CAMK2D: variants seen among roughly 807,000 people sequenced by gnomAD.
The protein encoded by CAMK2D is calcium/calmodulin dependent protein kinase II delta, also known as calcium/calmodulin-dependent protein kinase type II subunit delta.
In CAMK2D, 37 loss-of-function variants were observed where a neutral mutation model predicts 84.0. The observed-to-expected ratio is 0.44, with a 90% CI of 0.34 to 0.58. The LOEUF is 0.58. Among genes scored for constraint, CAMK2D ranks in the 20% least tolerant of loss-of-function variants. The probability of loss-of-function intolerance (pLI) is 0.02; values close to 1 mark genes in which losing one functional copy is unlikely to be tolerated. For synonymous variants in CAMK2D, 202 were observed against 212.5 expected (o/e 0.95, Z 0.43); for missense variants, 448 against 652.5 (o/e 0.69, Z 3.41).
At position 113,754,041 on chromosome 4, in the gene CAMK2D, A is replaced by T. The variant is rs561615327; in HGVS notation, c.160+5279T>A. On this transcript the variant is annotated intron_variant, in intron 2 of 20. Coordinates refer to ENST00000511664, the MANE Select transcript of CAMK2D (RefSeq NM_001321571.2). ...TGAAATCATTTAATATTTATTAAAT[A>T]AACACATAAAGACATGTGAATATGC... is the stretch of plus-strand genomic sequence containing the variant. The T allele has an allele frequency of 5.6e-6, 5 of 885,104 alleles. No individual in the cohort carries two copies. In the South Asian group the frequency reaches 2.6e-4, roughly 46 times the overall value. 54.8% of individuals were successfully genotyped at this position (885,104 alleles called of 1,614,324 possible). A position where few individuals can be genotyped will look rare whatever the true frequency, so the allele number is the denominator to read the frequency against.
chr4:113,716,649 C>CAAAAAAA (rs397750449), intron 2 of CAMK2D, among the ~76,000 whole-genome samples: 13 of 76,132 alleles, frequency 1.7e-4, no homozygotes, highest in East Asian at 4.1e-4. Context: ...AGACTCCATC[C>CAAAAAAA]AAAAAAAAAA....
At chr4:113,757,666 C>G (rs1231276341) in intron 2 of CAMK2D, among the ~76,000 whole-genome samples, 1 of 152,054 alleles carries the variant, frequency 6.6e-6, no homozygotes, top group Non-Finnish European at 1.5e-5. Flanking sequence ...CATCCAGAAG[C>G]GGTAAAAAGC....
chr4:113,548,206 C>T (rs2098597921), intron 5 of CAMK2D, among the ~76,000 whole-genome samples: 1 of 152,150 alleles, frequency 6.6e-6, no homozygotes, highest in South Asian at 2.1e-4. Flanking sequence ...TTTAATTTAG[C>T]TGGCAATTAA....
At chr4:113,509,542 A>G (rs2098180968) in intron 13 of CAMK2D, 96 bp downstream of exon 13, 2 of 785,370 alleles carry the variant, frequency 2.5e-6, no homozygotes, top group East Asian at 2.5e-5. Flanking sequence ...ACAATAAAAA[A>G]TAGAACTTGC....
chr4:113,569,989 A>G (rs2098744845), intron 4 of CAMK2D, among the ~76,000 whole-genome samples: 1 of 151,108 alleles, frequency 6.6e-6, no homozygotes. Context: ...ATTTCAATAT[A>G]CTAACAACAG....
intron 17 of CAMK2D, among the ~76,000 whole-genome samples, chr4:113,464,061 C>A (rs1286498392): frequency 1.3e-5 from 2 of 152,196 alleles, no homozygotes; most frequent in African/African-American, 4.8e-5. Flanking sequence ...CTGCCACCAC[C>A]ACCACCCTGA....
chr4:113,743,253 T>C (rs1019205598), intron 2 of CAMK2D, among the ~76,000 whole-genome samples: 2 of 152,244 alleles, frequency 1.3e-5, no homozygotes, highest in Admixed American at 1.3e-4. Context: ...CTAGTTGCTC[T>C]ATTATTACTA....
At chr4:113,549,472 T>C (rs528792139) in intron 5 of CAMK2D, among the ~76,000 whole-genome samples, 1 of 152,334 alleles carries the variant, frequency 6.6e-6, no homozygotes, top group East Asian at 1.9e-4. Context: ...AGAAAAACTT[T>C]TGCTTCATAC....
At chr4:113,705,048 G>T (rs570031160) in intron 2 of CAMK2D, among the ~76,000 whole-genome samples, 1 of 151,548 alleles carries the variant, frequency 6.6e-6, no homozygotes, top group Admixed American at 6.6e-5. Context: ...TCCTTAAAAA[G>T]TGGTAGATTC....
chr4:113,637,749 T>C (rs1342415917), intron 3 of CAMK2D, among the ~76,000 whole-genome samples: 2 of 152,184 alleles, frequency 1.3e-5, no homozygotes, highest in South Asian at 2.1e-4. Context: ...ACTTTTTTCC[T>C]AGAAACTATA....
At position 113,517,587 on chromosome 4, in the gene CAMK2D, C is replaced by CTGAT. The variant is rs773833467; in HGVS notation, c.668_671dup (p.Gln225SerfsTer9). 6.3e-7 allele frequency: 1 copy of CTGAT among 1,576,154 alleles called. No individual in the cohort carries two copies. Among genetic ancestry groups the CTGAT allele is most frequent in the Admixed American group, 1.7e-5 (1 of 59,922 alleles). On this transcript the variant is annotated frameshift_variant, in exon 9 of 21. Transcript: ENST00000511664. LOFTEE classifies it high-confidence loss of function. ...CATCATAAGCTCCAGCCTTGATCTG[C>CTGAT]TGATAGAGTCTGTGTTGGTCTTCAT...
At chr4:113,646,063 T>C (rs929458728) in intron 3 of CAMK2D, among the ~76,000 whole-genome samples, 1 of 152,266 alleles carries the variant, frequency 6.6e-6, no homozygotes, top group Non-Finnish European at 1.5e-5. Context: ...TTTGCTCTCC[T>C]GTTTTACAGT....
At chr4:113,596,088 T>G (rs1330221915) in intron 4 of CAMK2D, among the ~76,000 whole-genome samples, 2 of 152,238 alleles carry the variant, frequency 1.3e-5, no homozygotes, top group African/African-American at 2.4e-5. Context: ...TCCTTTGTTG[T>G]CATTCAACAA....
chr4:113,716,437 G>T (rs181979011), intron 2 of CAMK2D, among the ~76,000 whole-genome samples: 6 of 152,114 alleles, frequency 3.9e-5, no homozygotes, highest in African/African-American at 1.4e-4. Context: ...GTCACTTCAG[G>T]TCAGGAGTTT....
chr4:113,513,934 G>A, intron 10 of CAMK2D, 21 bp from the exon 11 acceptor site: 1 of 1,231,058 alleles, frequency 8.1e-7, no homozygotes, highest in South Asian at 1.3e-5. Context: ...AGGAGAAAAA[G>A]TAACTTAATT....
intron 14 of CAMK2D, among the ~76,000 whole-genome samples, chr4:113,504,766 A>G (rs1384423524): frequency 6.6e-6 from 1 of 151,512 alleles, no homozygotes; most frequent in Non-Finnish European, 1.5e-5. Flanking sequence ...GTTAGAACAC[A>G]CTGCTTGACA....
intron 16 of CAMK2D, among the ~76,000 whole-genome samples, chr4:113,486,604 C>G (rs1469665454): frequency 6.6e-6 from 1 of 152,168 alleles, no homozygotes; most frequent in Non-Finnish European, 1.5e-5. Context: ...CCTCCAAGTA[C>G]AAGAATATTA....
Position 113,604,425 on chromosome 4 carries a change from T to G in CAMK2D, c.275+4727A>C, listed in dbSNP as rs1021260454. On this transcript the variant is annotated intron_variant, in intron 4 of 20. Coordinates refer to ENST00000511664, the MANE Select transcript of CAMK2D (RefSeq NM_001321571.2). ...GAAAATGCATACTTTTAACCATTGT[T>G]TTTCAATTTTTCTAATGCTTTATTG... Among the ~76,000 whole-genome samples the G allele has an allele frequency of 7.9e-5, 12 of 152,206 alleles. 1 individual carries two copies. Among genetic ancestry groups the G allele is most frequent in the Admixed American group, 6.5e-4 (10 of 15,280 alleles).
At chr4:113,598,993 T>A (rs185655315) in intron 4 of CAMK2D, among the ~76,000 whole-genome samples, 6 of 152,140 alleles carry the variant, frequency 3.9e-5, no homozygotes, top group Middle Eastern at 3.4e-3. Context: ...AATAAAAAAA[T>A]GGATGAAAAA....
Sources: allele counts gnomAD v4.1 joint callset (sites outside exome capture counted in the v4.1 genomes callset), GRCh38; gene constraint gnomAD v4.1.1; transcripts MANE v1.5; gene names NCBI Gene and HGNC (gene_info 2026-07-23, HGNC 2026-07-21).